The following EYS variants were observed in gnomAD, a reference collection of about 807,000 sequenced individuals.
The protein encoded by EYS is EGF-like photoreceptor maintenance factor.
A neutral mutation model predicts 282.1 loss-of-function variants in EYS; 250 were observed. The observed-to-expected ratio is 0.89, with a 90% confidence interval of 0.80 to 0.98. EYS has a LOEUF of 0.98. EYS is among the 50% of genes least tolerant of loss of function. The pLI is 0.00. For synonymous variants in EYS, 1,355 were observed against 1,282.9 expected (o/e 1.06, Z -1.20); for missense variants, 4,016 against 3,709.0 (o/e 1.08, Z -2.15).
intron 22 of EYS, among the ~76,000 whole-genome samples, chr6:64,800,205 T>C (rs145936131): frequency 7.2e-5 from 11 of 152,168 alleles, no homozygotes; most frequent in African/African-American, 2.6e-4. Flanking sequence ...AATGTACAGA[T>C]GCCCTGACCT....
intron 30 of EYS, among the ~76,000 whole-genome samples, chr6:64,282,775 A>G (rs1264942145): frequency 1.3e-5 from 2 of 152,136 alleles, no homozygotes; most frequent in East Asian, 3.9e-4. Flanking sequence ...TGTTCTTTCA[A>G]CTTACTCCAC....
chr6:64,546,731 C>G (rs1438032790), intron 26 of EYS, among the ~76,000 whole-genome samples: 1 of 152,090 alleles, frequency 6.6e-6, no homozygotes, highest in African/African-American at 2.4e-5. Context: ...AGACACTTCT[C>G]AAAAAGAAGA....
At chr6:64,724,187 T>G (rs1771679266) in intron 22 of EYS, among the ~76,000 whole-genome samples, 1 of 152,132 alleles carries the variant, frequency 6.6e-6, no homozygotes, top group African/African-American at 2.4e-5. Flanking sequence ...GTAAAGTCGG[T>G]TATACACTAG....
intron 24 of EYS, among the ~76,000 whole-genome samples, chr6:64,613,579 G>A (rs1378079074): frequency 1.3e-5 from 2 of 152,058 alleles, no homozygotes; most frequent in Non-Finnish European, 1.5e-5. Flanking sequence ...AGTCAGGCAG[G>A]TACAAAGAAT....
At chr6:65,629,720 C>T (rs566801142) in intron 2 of EYS, among the ~76,000 whole-genome samples, 6 of 152,230 alleles carry the variant, frequency 3.9e-5, no homozygotes, top group African/African-American at 9.6e-5. Flanking sequence ...CTTTGTTTGG[C>T]GGCCCTACAA....
At chr6:64,610,613 A>G (rs1767084385) in intron 24 of EYS, among the ~76,000 whole-genome samples, 1 of 152,082 alleles carries the variant, frequency 6.6e-6, no homozygotes, top group Middle Eastern at 3.2e-3. Context: ...CATGTTGGCC[A>G]GGCTGATCTC....
intron 35 of EYS, among the ~76,000 whole-genome samples, chr6:63,981,870 T>A (rs1767115437): frequency 6.6e-6 from 1 of 151,914 alleles, no homozygotes; most frequent in East Asian, 1.9e-4. Flanking sequence ...TATACATCTT[T>A]GATTTACAAT....
chr6:64,164,773 T>C (rs1223678891), intron 31 of EYS, among the ~76,000 whole-genome samples: 2 of 152,126 alleles, frequency 1.3e-5, no homozygotes, highest in African/African-American at 4.8e-5. Flanking sequence ...ATTTGCTGAA[T>C]GAATAAAAAG....
At chr6:64,341,609 G>A (rs1032110325) in intron 29 of EYS, among the ~76,000 whole-genome samples, 1 of 151,602 alleles carries the variant, frequency 6.6e-6, no homozygotes, top group African/African-American at 2.4e-5. Context: ...TCACTAGCTG[G>A]CTCCCCTACA....
At chr6:64,217,186 T>C (rs1055112256) in intron 31 of EYS, among the ~76,000 whole-genome samples, 1 of 152,306 alleles carries the variant, frequency 6.6e-6, no homozygotes, top group Admixed American at 6.5e-5. Context: ...TTGGGTATAG[T>C]TGAATCTCCT....
intron 36 of EYS, among the ~76,000 whole-genome samples, chr6:63,849,892 C>G (rs1402024132): frequency 6.6e-6 from 1 of 152,074 alleles, no homozygotes; most frequent in African/African-American, 2.4e-5. Flanking sequence ...GCTAAAGGAG[C>G]ATGTTCTAAC....
rs557893258 is a variant in EYS at position 64,775,861 on chromosome 6, A to C, written c.3443+37517T>G. Reference sequence around the variant, plus strand: ...TATCTAATTTTTTGGTTGAATCAAAAATTTAAAATATAGCTGCTAGCTGTT... The same window carrying C: ...TATCTAATTTTTTGGTTGAATCAAACATTTAAAATATAGCTGCTAGCTGTT... On this transcript the variant is annotated intron_variant, in intron 22 of 42. Coordinates refer to ENST00000503581, the MANE Select transcript of EYS (RefSeq NM_001142800.2). Among the ~76,000 whole-genome samples the C allele has an allele frequency of 6.6e-5, 10 of 152,214 alleles. No homozygotes were observed. The South Asian group carries it at 8.3e-4, about 13-fold the overall frequency.
At chr6:63,825,971 C>T (rs1303614235) in intron 36 of EYS, among the ~76,000 whole-genome samples, 1 of 152,004 alleles carries the variant, frequency 6.6e-6, no homozygotes, top group East Asian at 1.9e-4. Flanking sequence ...AAAGGCAAAG[C>T]CCAATGTGAG....
chr6:65,557,852 T>C (rs913517434), intron 2 of EYS, among the ~76,000 whole-genome samples: 3 of 152,070 alleles, frequency 2.0e-5, no homozygotes, highest in Non-Finnish European at 4.4e-5. Flanking sequence ...GACAGGTCTT[T>C]GTGTAGAGGA....
chr6:64,286,529 C>T (rs566254369), intron 30 of EYS, among the ~76,000 whole-genome samples: 1 of 152,212 alleles, frequency 6.6e-6, no homozygotes, highest in South Asian at 2.1e-4. Flanking sequence ...ATCCTTAAAA[C>T]AAGATCACTT....
intron 34 of EYS, among the ~76,000 whole-genome samples, chr6:63,990,613 A>G (rs1767561742): frequency 6.6e-6 from 1 of 151,694 alleles, no homozygotes; most frequent in African/African-American, 2.4e-5. Flanking sequence ...GCAATCATTC[A>G]CCACAGTCTC....
At chr6:65,491,270 TACACACACAC>T (rs57650145) in intron 4 of EYS, 2,562 of 170,138 alleles carry the variant, frequency 0.015, 78 homozygotes, top group African/African-American at 0.062. Flanking sequence ...ATCAGTTATA[TACACACACAC>T]ACACACACAC....
chr6:65,100,923 A>G (rs978859615), intron 12 of EYS, among the ~76,000 whole-genome samples: 4 of 151,070 alleles, frequency 2.6e-5, no homozygotes, highest in Non-Finnish European at 5.9e-5. Flanking sequence ...TTAATATGAC[A>G]ATAGATATTC....
chr6:64,120,073 C>CGT (rs1773525280), intron 31 of EYS, among the ~76,000 whole-genome samples: 1 of 151,654 alleles, frequency 6.6e-6, no homozygotes, highest in African/African-American at 2.4e-5. Flanking sequence ...TTTGGCCAGG[C>CGT]GTGGTGGCTT....
Sources: gnomAD v4.1 joint callset for allele counts (sites outside exome capture counted in the v4.1 genomes callset) on GRCh38, gnomAD v4.1.1 for gene constraint, MANE v1.5 for transcripts, NCBI Gene and HGNC (gene_info 2026-07-23, HGNC 2026-07-21) for gene names.